CHD5: variants seen among roughly 807,000 people sequenced by gnomAD.
The protein encoded by CHD5 is ATP-dependent chromatin remodeler CHD5.
In CHD5, 69 loss-of-function variants were observed where a neutral mutation model predicts 230.3. The observed-to-expected ratio is 0.30, with a 90% CI of 0.25 to 0.37. CHD5 has a LOEUF of 0.37. Ranked by LOEUF, CHD5 falls within the 10% of genes least tolerant of loss-of-function variation. The probability of loss-of-function intolerance (pLI) is 1.00; values close to 1 mark genes in which losing one functional copy is unlikely to be tolerated. For missense variants in CHD5, 1,827 were observed against 2,622.8 expected, an observed-to-expected ratio of 0.70 and a Z score of 6.63; for synonymous variants, 1,064 against 1,065.9, an observed-to-expected ratio of 1.00 and a Z score of 0.03.
At chr1:6,141,196 A>G (rs1666823110) in intron 15 of CHD5, among the ~76,000 whole-genome samples, 1 of 151,272 alleles carries the variant, frequency 6.6e-6, no homozygotes, top group Non-Finnish European at 1.5e-5. Context: ...AGGCATGGGA[A>G]TTGCTTGAAC....
At chr1:6,139,109 G>A (rs1666788975) in intron 15 of CHD5, among the ~76,000 whole-genome samples, 1 of 152,188 alleles carries the variant, frequency 6.6e-6, no homozygotes, top group Non-Finnish European at 1.5e-5. Flanking sequence ...GGCTCGAGGT[G>A]GTGGGGATGT....
rs1666601872 is a variant in CHD5 at position 6,128,587 on chromosome 1, C to T, written c.3642G>A (p.Arg1214=). The T allele has an allele frequency of 6.2e-7, 1 of 1,613,786 alleles. No homozygotes were observed. The highest frequency in any genetic ancestry group is 1.1e-5 in the South Asian group (1 of 91,090). ...DVEGMMSQGQ[R]PVTPIPDVQS... ...GGACATCAGGGATGGGTGTGACCGG[C>T]CTCTGGCCCTGAGACATCATGCCTG... Residue 1214 remains arginine (R), a synonymous_variant, in exon 24 of 42, where the codon AGG becomes AGA. Transcript: ENST00000262450. This position sits in a 1 kb window ranked among gnomAD's most constrained non-coding sequence, Gnocchi z 7.8.
chr1:6,118,935 T>G (rs879634081), intron 33 of CHD5, among the ~76,000 whole-genome samples: 1 of 151,766 alleles, frequency 6.6e-6, no homozygotes, highest in African/African-American at 2.4e-5. Context: ...TGACCTCAGG[T>G]GATCCACCCA....
chr1:6,127,380 G>C (rs1666575645), intron 25 of CHD5, among the ~76,000 whole-genome samples: 1 of 152,172 alleles, frequency 6.6e-6, no homozygotes, highest in Non-Finnish European at 1.5e-5. Flanking sequence ...CCAGCTACTT[G>C]GGAGCTGAGG....
At chr1:6,171,487 G>A (rs114466355) in intron 1 of CHD5, among the ~76,000 whole-genome samples, 3,548 of 149,966 alleles carry the variant, frequency 0.024, 87 homozygotes, top group African/African-American at 0.067. Flanking sequence ...GTCACCACAC[G>A]CCTGATTCTC....
At chr1:6,147,425 C>G (rs1487746970) in intron 9 of CHD5, among the ~76,000 whole-genome samples, 1 of 152,232 alleles carries the variant, frequency 6.6e-6, no homozygotes. Flanking sequence ...GAGGCCCCAT[C>G]TCTGGCAGCC....
chr1:6,170,861 G>A (rs1371561993), intron 1 of CHD5, among the ~76,000 whole-genome samples: 1 of 152,206 alleles, frequency 6.6e-6, no homozygotes, highest in African/African-American at 2.4e-5. Context: ...GGCTGGCGGG[G>A]AGCTGTCTGT....
intron 6 of CHD5, 118 bp from the exon 7 acceptor site, chr1:6,151,273 T>A: frequency 8.1e-7 from 1 of 1,232,306 alleles, no homozygotes; most frequent in Non-Finnish European, 1.1e-6. Flanking sequence ...GTGCTCTCTG[T>A]GATTCATCTC....
intron 11 of CHD5, among the ~76,000 whole-genome samples, chr1:6,145,926 T>C (rs1666902964): frequency 6.6e-6 from 1 of 152,196 alleles, no homozygotes; most frequent in Non-Finnish European, 1.5e-5. Context: ...CTCTTGCTGG[T>C]ATCAAGCACT....
intron 20 of CHD5, among the ~76,000 whole-genome samples, chr1:6,132,244 T>C (rs1168363036): frequency 1.3e-5 from 2 of 152,208 alleles, no homozygotes; most frequent in African/African-American, 4.8e-5. Flanking sequence ...TAATTCCCTT[T>C]ATTCTCGAGA....
intron 33 of CHD5, among the ~76,000 whole-genome samples, chr1:6,115,482 G>A (rs1420971584): frequency 6.6e-6 from 1 of 152,150 alleles, no homozygotes; most frequent in African/African-American, 2.4e-5. Flanking sequence ...GACCACACGA[G>A]CCCTTTTCTC....
chr1:6,168,046 C>T, intron 2 of CHD5, 104 bp downstream of exon 2: 6 of 1,373,884 alleles, frequency 4.4e-6, no homozygotes, highest in Non-Finnish European at 5.8e-6. Flanking sequence ...CTCAGAAACC[C>T]TCAAACTCCA....
rs190255826 is a variant in CHD5, at chr1:6,114,171, T to G, written c.4913-1173A>C. Among the ~76,000 whole-genome samples the G allele has an allele frequency of 7.1e-3, 1,073 of 151,702 alleles. 8 individuals carry two copies. The highest frequency in any genetic ancestry group is 0.024 in the African/African-American group (993 of 41,300). On this transcript the variant is annotated intron_variant, in intron 33 of 41. Coordinates refer to ENST00000262450, the MANE Select transcript of CHD5 (RefSeq NM_015557.3). ...GGGAGGTTGAGGCAGGAGAATCGCT[T>G]GAACCCGGGAGGCAGAGGTTGCAGT...
rs1207425663 is a variant in CHD5 at position 6,134,569 on chromosome 1, T to C, written c.3012+149A>G. The C allele has an allele frequency of 2.2e-6, 2 of 906,670 alleles. No homozygotes were observed. Among genetic ancestry groups the C allele is most frequent in the Non-Finnish European group, 3.5e-6 (2 of 573,210 alleles). The allele number at this position is 906,670 out of a possible 1,614,324, so 56.2% of individuals were successfully genotyped here. ...AGTGGCCACAGGCAACCTTCCATGA[T>C]GGCCAGGGAAACCTACCATGACAGC... On this transcript the variant is annotated intron_variant, in intron 19 of 41. Transcript: ENST00000262450. The surrounding 1 kb of genome is among the most constrained non-coding windows in gnomAD (Gnocchi z 6.3).
chr1:6,175,999 G>A (rs1167696503), intron 1 of CHD5, among the ~76,000 whole-genome samples: 1 of 151,978 alleles, frequency 6.6e-6, no homozygotes, highest in African/African-American at 2.4e-5. Flanking sequence ...TGGGTGGGTA[G>A]GTAGATGGAT....
intron 7 of CHD5, 82 bp from the exon 8 acceptor site, chr1:6,149,494 G>A: frequency 7.1e-7 from 1 of 1,412,058 alleles, no homozygotes; most frequent in Admixed American, 2.0e-5. Flanking sequence ...AGGCCAGACA[G>A]GCACAGAGTA....
Position 6,142,747 on chromosome 1 carries a change from G to A in CHD5, c.2044-142C>T, listed in dbSNP as rs1666848367. On this transcript the variant is annotated intron_variant, in intron 13 of 41. Transcript: ENST00000262450. This position sits in a 1 kb window ranked among gnomAD's most constrained non-coding sequence, Gnocchi z 5.2. ...TCTTCCTAACTCTTCTCCAGTTCTT[G>A]GATGGAACACCTCTTCCTCTAGGAA... 1 of 949,992 alleles carries A rather than the reference G, an allele frequency of 1.1e-6. No individual in the cohort carries two copies. The highest frequency in any genetic ancestry group is 2.7e-5 in the East Asian group (1 of 37,272). 58.8% of individuals were successfully genotyped at this position (949,992 alleles called of 1,614,324 possible).
In CHD5 at chr1:6,112,194, C is replaced by T. The variant is rs1666302673; in HGVS notation, c.5086G>A (p.Asp1696Asn). ...KEEDDEGKKE[D>N]KKGKFKFMFN... ...ATGAACTTGAATTTCCCCTTCTTGT[C>T]CTCCTTCTTCCCCTCGTCATCTTCC... Residue 1696 changes from aspartate to asparagine, a missense_variant, in exon 35 of 42, where the codon GAC (aspartate) becomes AAC (asparagine). Physicochemically the swap from Asp to Asn is conservative, Grantham distance 23. Around this residue, in one of 14 missense-constraint regions of CHD5, gnomAD observed 272 missense variants for 263.2 expected, o/e 1.03. Transcript: ENST00000262450. 1 of 1,614,156 alleles carries T rather than the reference C, an allele frequency of 6.2e-7. No individual in the cohort carries two copies. Among genetic ancestry groups the T allele is most frequent in the Admixed American group, 1.7e-5 (1 of 60,026 alleles).
At chr1:6,107,491 G>A (rs1162762251) in intron 38 of CHD5, among the ~76,000 whole-genome samples, 12 of 140,634 alleles carry the variant, frequency 8.5e-5, no homozygotes, top group Admixed American at 7.0e-4. Context: ...AGGGATGATG[G>A]ATAGATGGAG....
Sources: allele counts gnomAD v4.1 joint callset (sites outside exome capture counted in the v4.1 genomes callset), GRCh38; gene constraint gnomAD v4.1.1; regional missense constraint gnomAD v4.1.1; non-coding constraint Gnocchi (gnomAD v3.1); transcripts MANE v1.5; gene names NCBI Gene and HGNC (gene_info 2026-07-23, HGNC 2026-07-21).